The following ESR2 variants were observed in gnomAD, a reference collection of about 807,000 sequenced individuals.
The protein encoded by ESR2 is estrogen receptor beta.
In ESR2, 36 loss-of-function variants were observed where a neutral mutation model predicts 49.6. The observed-to-expected ratio is 0.73, with a 90% CI of 0.56 to 0.96. ESR2 has a LOEUF of 0.96. Among genes scored for constraint, ESR2 ranks in the 40% least tolerant of loss-of-function variants. The probability of loss-of-function intolerance (pLI) is 0.00; values close to 1 mark genes in which losing one functional copy is unlikely to be tolerated. For missense variants in ESR2, 714 were observed against 693.0 expected (o/e 1.03, Z -0.34); for synonymous variants, 320 against 266.1 (o/e 1.20, Z -1.97).
chr14:64,243,391 CAGACAT>C (rs770326833), intron 7 of ESR2, among the ~76,000 whole-genome samples: 22 of 152,194 alleles, frequency 1.4e-4, no homozygotes, highest in Non-Finnish European at 2.1e-4. Flanking sequence ...AAATTTGACA[CAGACAT>C]AAAGTGAGCA....
At chr14:64,278,642 T>C (rs2076604445) in intron 3 of ESR2, among the ~76,000 whole-genome samples, 1 of 151,920 alleles carries the variant, frequency 6.6e-6, no homozygotes, top group South Asian at 2.1e-4. Flanking sequence ...GAGGGACAGG[T>C]TATGGGGCAA....
intron 1 of ESR2, among the ~76,000 whole-genome samples, chr14:64,327,497 A>T (rs1300788699): frequency 9.4e-6 from 1 of 106,704 alleles, no homozygotes; most frequent in Non-Finnish European, 2.2e-5. Context: ...GGAGTTCGAG[A>T]TCAGCCTGGC....
intron 1 of ESR2, among the ~76,000 whole-genome samples, chr14:64,313,201 CAA>C (rs1210570125): frequency 6.6e-6 from 1 of 151,892 alleles, no homozygotes; most frequent in Non-Finnish European, 1.5e-5. Context: ...CCCCAAACAA[CAA>C]AGTTATAAGA....
chr14:64,338,383 A>C (rs1265693567), upstream of ESR2: 2 of 155,024 alleles, frequency 1.3e-5, no homozygotes, highest in African/African-American at 2.4e-5. Flanking sequence ...CAGGCACTCC[A>C]GAGCAGAACG....
intron 1 of ESR2, among the ~76,000 whole-genome samples, chr14:64,331,955 T>C (rs2077465876): frequency 1.3e-5 from 2 of 152,192 alleles, no homozygotes; most frequent in Admixed American, 1.3e-4. Context: ...GCCACCATTT[T>C]AGCACTAAAG....
intron 8 of ESR2, chr14:64,233,761 T>G (rs762155174): frequency 6.1e-6 from 1 of 163,590 alleles, no homozygotes; most frequent in African/African-American, 2.4e-5. Context: ...CATTGACTCA[T>G]TAACATTGAA....
intron 7 of ESR2, among the ~76,000 whole-genome samples, chr14:64,246,801 A>G (rs2140667079): frequency 6.6e-6 from 1 of 150,904 alleles, no homozygotes; most frequent in Admixed American, 6.6e-5. Context: ...TATGCACATC[A>G]ACATAATCAT....
chr14:64,244,979 A>G (rs947670415), intron 7 of ESR2, among the ~76,000 whole-genome samples: 4 of 152,242 alleles, frequency 2.6e-5, no homozygotes, highest in African/African-American at 7.2e-5. Flanking sequence ...CCAATGTCCA[A>G]TATCTGTTTT....
At chr14:64,326,905 G>C (rs1375855519) in intron 1 of ESR2, among the ~76,000 whole-genome samples, 1 of 152,198 alleles carries the variant, frequency 6.6e-6, no homozygotes, top group South Asian at 2.1e-4. Context: ...ACGGTATAAA[G>C]GAACCATGGC....
At chr14:64,263,572 G>A (rs557963429) in intron 4 of ESR2, among the ~76,000 whole-genome samples, 3 of 151,980 alleles carry the variant, frequency 2.0e-5, no homozygotes, top group Non-Finnish European at 4.4e-5. Context: ...CAGGAGAGTC[G>A]CACAAACCCA....
chr14:64,244,399 CAA>C (rs34288779), intron 7 of ESR2, among the ~76,000 whole-genome samples: 111 of 127,764 alleles, frequency 8.7e-4, no homozygotes, highest in Non-Finnish European at 8.8e-4. Context: ...GACTTCATCT[CAA>C]AAAAAAAAAA....
In ESR2 at chr14:64,282,604, A is replaced by G; in HGVS notation, c.362+20T>C. On this transcript the variant is annotated intron_variant, in intron 2 of 8. Coordinates refer to ENST00000341099, the MANE Select transcript of ESR2 (RefSeq NM_001437.3). Reference sequence around the variant, plus strand: ...GAGAAATGGCTAGCAACTATAATTCAGAATGAAGACTGGACTTACCTGTTT... The same window carrying G: ...GAGAAATGGCTAGCAACTATAATTCGGAATGAAGACTGGACTTACCTGTTT... The G allele has an allele frequency of 6.4e-7, 1 of 1,565,074 alleles. No homozygotes were observed. Among genetic ancestry groups the G allele is most frequent in the East Asian group, 2.3e-5 (1 of 44,114 alleles).
chr14:64,262,274 C>G (rs2076239623), intron 4 of ESR2, among the ~76,000 whole-genome samples: 1 of 152,070 alleles, frequency 6.6e-6, no homozygotes, highest in Admixed American at 6.6e-5. Flanking sequence ...ACCACCACAT[C>G]TGACTAATTT....
chr14:64,296,154 G>A (rs2076955507), upstream of ESR2, among the ~76,000 whole-genome samples: 1 of 151,964 alleles, frequency 6.6e-6, no homozygotes, highest in Non-Finnish European at 1.5e-5. Context: ...TAAGCCAACA[G>A]GCAGAAAAAG....
chr14:64,241,216 A>C (rs1288092834), intron 7 of ESR2, among the ~76,000 whole-genome samples: 1 of 151,388 alleles, frequency 6.6e-6, no homozygotes, highest in Non-Finnish European at 1.5e-5. Flanking sequence ...AGGTGTGTTA[A>C]GTATATTTTT....
downstream of ESR2, chr14:64,227,912 A>C: frequency 6.3e-7 from 1 of 1,597,764 alleles, no homozygotes; most frequent in Non-Finnish European, 8.5e-7. Flanking sequence ...CAAATGAATG[A>C]ATTGCTTTTC....
Position 64,329,255 on chromosome 14 carries a change from G to A in ESR2, c.-91+8643C>T, listed in dbSNP as rs564089288. 4.6e-5 allele frequency among the ~76,000 whole-genome samples: 7 copies of A among 152,200 alleles called. No homozygotes were observed. In the South Asian group the frequency reaches 1.5e-3, roughly 32 times the overall value. ...TCTTGTGGGAACCAAGAGTGAGAAC[G>A]AACTTACTCCCTCTAGAAGGGCACC... On this transcript the variant is annotated intron_variant, in intron 1 of 8. Transcript: ENST00000358599.
At chr14:64,245,706 G>T (rs531900036) in intron 7 of ESR2, among the ~76,000 whole-genome samples, 1 of 152,038 alleles carries the variant, frequency 6.6e-6, no homozygotes, top group African/African-American at 2.4e-5. Context: ...CAGATGCTGC[G>T]TCTAGCTTTG....
chr14:64,279,099 C>T (rs1367814568), intron 3 of ESR2, among the ~76,000 whole-genome samples: 1 of 152,202 alleles, frequency 6.6e-6, no homozygotes, highest in African/African-American at 2.4e-5. Flanking sequence ...GATAATAATT[C>T]TTTCAATCAA....
Sources: gnomAD v4.1 joint callset for allele counts (sites outside exome capture counted in the v4.1 genomes callset) on GRCh38, gnomAD v4.1.1 for gene constraint, MANE v1.5 for transcripts, NCBI Gene and HGNC (gene_info 2026-07-23, HGNC 2026-07-21) for gene names.